The following DLG4 variants were observed in gnomAD, a reference collection of about 807,000 sequenced individuals.
DLG4 encodes disks large homolog 4.
Under a neutral mutation model 93.8 loss-of-function variants are expected in DLG4, and 7 were observed. The ratio of observed to expected loss-of-function variants is 0.07; its 90% CI spans 0.04 to 0.14. The LOEUF (loss-of-function observed/expected upper bound fraction) is 0.14, where lower values mean the gene tolerates loss of function less well. DLG4 is among the 10% of genes least tolerant of loss of function. The pLI, the probability that DLG4 is intolerant of heterozygous loss-of-function variation, is 1.00. For missense variants in DLG4, 545 were observed against 992.9 expected (o/e 0.55, Z 6.06); for synonymous variants, 341 against 387.6 (o/e 0.88, Z 1.41).
At chr17:7,218,442 C>G, upstream of DLG4, 4 of 1,400,258 alleles carry the variant, frequency 2.9e-6, 1 homozygote, top group South Asian at 2.5e-5. Context: ...CTGCATGGTG[C>G]TCCAGCTTGG....
chr17:7,207,598 C>T (rs1448697422), intron 2 of DLG4, among the ~76,000 whole-genome samples: 3 of 151,784 alleles, frequency 2.0e-5, no homozygotes, highest in Non-Finnish European at 2.9e-5. Flanking sequence ...GAGCTCTGGA[C>T]ACAGAAAATG....
upstream of DLG4, chr17:7,220,033 C>A: frequency 1.2e-6 from 2 of 1,604,908 alleles, no homozygotes; most frequent in African/African-American, 2.7e-5. Context: ...GCTGCTGAGG[C>A]TCGGGGGCGG....
chr17:7,218,551 C>G, upstream of DLG4: 1 of 1,560,956 alleles, frequency 6.4e-7, no homozygotes, highest in Non-Finnish European at 8.7e-7. Flanking sequence ...CCAGCAAGGC[C>G]TGGAAGAGGT....
rs1420274277 is a variant in DLG4, at chr17:7,191,164, G to T, written c.2068+103C>A. The T allele has an allele frequency of 5.3e-6, 6 of 1,127,710 alleles. No individual in the cohort carries two copies. The highest frequency in any genetic ancestry group is 3.1e-5 in the African/African-American group (2 of 65,348). The allele number at this position is 1,127,710 out of a possible 1,614,324, so 69.9% of individuals were successfully genotyped here. ...CGTGAGCCACCATGCCGCGCCCACA[G>T]GGGCACCTCTTTCTAAGCCATCCAC... On this transcript the variant is annotated intron_variant, in intron 19 of 19. Coordinates refer to ENST00000399506, the MANE Select transcript of DLG4 (RefSeq NM_001321075.3). This position sits in a 1 kb window ranked among gnomAD's most constrained non-coding sequence, Gnocchi z 6.6.
rs2070713223 is a variant in DLG4, at chr17:7,211,703, G to A, written c.31-3464C>T. On this transcript the variant is annotated intron_variant, in intron 1 of 19. Transcript: ENST00000399506. ...CGAATCTGTTCCGAGCCGACATGGAGAAGGGGAGGGGGACTGAGGGAAGGG... is the reference window on the plus strand; with the variant it reads ...CGAATCTGTTCCGAGCCGACATGGAAAAGGGGAGGGGGACTGAGGGAAGGG... The A allele has an allele frequency of 8.3e-6, 8 of 966,774 alleles. No homozygotes were observed. In the African/African-American group the frequency reaches 9.1e-5, roughly 11 times the overall value. The allele number at this position is 966,774 out of a possible 1,614,324, so 59.9% of individuals were successfully genotyped here.
rs1281272482 is a variant in DLG4, at chr17:7,203,472, G to A, written c.457C>T (p.Pro153Ser). ...ATCTCCATGACCTTCTCAGCCGGGG[G>A]CTTCCGGCGCATGACATAGAGGCGA... ...IVRLYVMRRK[P>S]PAEKVMEIKL... Residue 153 changes from proline (P) to serine (S), a missense_variant, in exon 6 of 20, where the codon CCC becomes TCC. Physicochemically the swap from Pro to Ser is moderately conservative, Grantham distance 74. This residue lies in a region of DLG4 where 30 missense variants were observed against 36.1 expected (regional missense o/e 0.83). Coordinates refer to ENST00000399506, the MANE Select transcript of DLG4 (RefSeq NM_001321075.3). The surrounding 1 kb of genome is among the most constrained non-coding windows in gnomAD (Gnocchi z 7.2). The A allele has an allele frequency of 2.5e-6, 4 of 1,612,680 alleles. No individual in the cohort carries two copies. The highest frequency in any genetic ancestry group is 3.4e-6 in the Non-Finnish European group (4 of 1,178,850).
In DLG4 at chr17:7,191,188, A is replaced by C. The variant is rs1489313086; in HGVS notation, c.2068+79T>G. ...AGGGGCACCTCTTTCTAAGCCATCC[A>C]CTGGGGGTGGCGGGGGAGCTCTTTC... On this transcript the variant is annotated intron_variant, in intron 19 of 19. Transcript: ENST00000399506. This position sits in a 1 kb window ranked among gnomAD's most constrained non-coding sequence, Gnocchi z 6.6. 113 of 1,401,968 alleles carry C rather than the reference A, an allele frequency of 8.1e-5. 1 individual carries two copies. Among genetic ancestry groups the C allele is most frequent in the Non-Finnish European group, 9.3e-5 (93 of 995,856 alleles). The allele number at this position is 1,401,968 out of a possible 1,614,324, so 86.8% of individuals were successfully genotyped here.
In DLG4 at chr17:7,189,574, C is replaced by T. The variant is rs2069389162; in HGVS notation, c.*1134G>A. On this transcript the variant is annotated 3_prime_UTR_variant, in exon 20 of 20. Coordinates refer to ENST00000399506, the MANE Select transcript of DLG4 (RefSeq NM_001321075.3). ...CATGAACATGAATGAACGAAGTTTC[C>T]TCTCTATTTTCCTTTAAGGACTGTT... Among the ~76,000 whole-genome samples, 1 of 152,142 alleles carries T rather than the reference C, an allele frequency of 6.6e-6. No individual in the cohort carries two copies.
chr17:7,207,973 C>T (rs1003877356), intron 2 of DLG4: 12 of 1,043,426 alleles, frequency 1.2e-5, no homozygotes, highest in Non-Finnish European at 1.3e-5. Flanking sequence ...TCCCAGCATC[C>T]CCCTCCCCAC....
At position 7,188,370 on chromosome 17, in the gene DLG4, G is replaced by T. The variant is rs77935075; in HGVS notation, c.*2338C>A. Among the ~76,000 whole-genome samples the T allele has an allele frequency of 0.012, 1,888 of 152,070 alleles. 31 individuals carry two copies. The highest frequency in any genetic ancestry group is 0.095 in the Middle Eastern group (28 of 294). On this transcript the variant is annotated 3_prime_UTR_variant, in exon 20 of 20. Coordinates refer to ENST00000399506, the MANE Select transcript of DLG4 (RefSeq NM_001321075.3). ...AAACTCTCAACTTTAGTCAGGAGTG[G>T]CTACAAAAAATGCCCTTTTGCACTG...
At position 7,196,103 on chromosome 17, in the gene DLG4, T is replaced by C; in HGVS notation, c.1301+117A>G. On this transcript the variant is annotated intron_variant, in intron 11 of 19. Transcript: ENST00000399506. The surrounding 1 kb of genome is among the most constrained non-coding windows in gnomAD (Gnocchi z 8.3). Reference sequence around the variant, plus strand: ...ATGAACCCTGGCTGCGCCTCAGGCCTGGGGTGGGGAGCTAGAGCAGGCAGG... The same window carrying C: ...ATGAACCCTGGCTGCGCCTCAGGCCCGGGGTGGGGAGCTAGAGCAGGCAGG... 4.2e-6 allele frequency: 3 copies of C among 712,170 alleles called. No individual in the cohort carries two copies. The highest frequency in any genetic ancestry group is 2.7e-5 in the East Asian group (1 of 37,116). 44.1% of individuals were successfully genotyped at this position (712,170 alleles called of 1,614,324 possible).
rs1002665484 is a variant in DLG4 at position 7,196,611 on chromosome 17, A to G, written c.1084-36T>C. On this transcript the variant is annotated intron_variant, in intron 9 of 19. Coordinates refer to ENST00000399506, the MANE Select transcript of DLG4 (RefSeq NM_001321075.3). This position sits in a 1 kb window ranked among gnomAD's most constrained non-coding sequence, Gnocchi z 8.3. Reference sequence around the variant, plus strand: ...GACGACAGGCTGTGTCACCAGAGACAGGAGGCAGCACTTCTGGGTCCAGGT... The same window carrying G: ...GACGACAGGCTGTGTCACCAGAGACGGGAGGCAGCACTTCTGGGTCCAGGT... 39 of 1,610,810 alleles carry G rather than the reference A, an allele frequency of 2.4e-5. No individual in the cohort carries two copies. Among genetic ancestry groups the G allele is most frequent in the Non-Finnish European group, 3.2e-5 (38 of 1,177,456 alleles).
intron 8 of DLG4, among the ~76,000 whole-genome samples, chr17:7,202,229 A>C (rs1222531396): frequency 6.6e-6 from 1 of 152,056 alleles, no homozygotes; most frequent in East Asian, 1.9e-4. Context: ...GGCACGTGCT[A>C]ATTTTTTTAA....
intron 1 of DLG4, among the ~76,000 whole-genome samples, chr17:7,213,083 C>G (rs1260190310): frequency 1.1e-5 from 1 of 93,564 alleles, no homozygotes; most frequent in African/African-American, 4.5e-5. Flanking sequence ...CTTTTCTTTT[C>G]TTTCTTTCTT....
chr17:7,194,019 G>C lies in DLG4; in HGVS notation c.1479-19C>G, dbSNP rs2069637947. The stretch of plus-strand genomic sequence containing the variant: ...CTCAACCCTGTGGGATACATGGAGG[G>C]ATACGCGGGTAGGGGAATGCCTACC... On this transcript the variant is annotated intron_variant, in intron 12 of 19. Transcript: ENST00000399506. The surrounding 1 kb of genome is among the most constrained non-coding windows in gnomAD (Gnocchi z 4.4). The C allele has an allele frequency of 1.9e-6, 3 of 1,612,658 alleles. No individual in the cohort carries two copies. The highest frequency in any genetic ancestry group is 1.7e-5 in the Admixed American group (1 of 59,848).
chr17:7,214,677 G>A (rs1050602168), intron 1 of DLG4, among the ~76,000 whole-genome samples: 1 of 152,070 alleles, frequency 6.6e-6, no homozygotes, highest in Non-Finnish European at 1.5e-5. Context: ...ACCCTCGCCC[G>A]GCCCTCCAGT....
chr17:7,197,022 C>G lies in DLG4; in HGVS notation c.818G>C (p.Ser273Thr), dbSNP rs2069826721. The change falls in exon 9 of 20, where the codon AGT becomes ACT. Residue 273 changes from serine to threonine, a missense_variant. Physicochemically the swap from Ser to Thr is moderately conservative, Grantham distance 58. Coordinates refer to ENST00000399506, the MANE Select transcript of DLG4 (RefSeq NM_001321075.3). ...GTCGGTGCCCAGGTAGCTGCTGTGA[C>G]TGATCTCATTGTCCAGGTGCTGGGA... ...SYSQHLDNEI[S>T]HSSYLGTDYP... 6.2e-7 allele frequency: 1 copy of G among 1,612,880 alleles called. No individual in the cohort carries two copies. The highest frequency in any genetic ancestry group is 2.2e-5 in the East Asian group (1 of 44,850).
upstream of DLG4, chr17:7,219,519 G>C: frequency 9.4e-7 from 1 of 1,069,316 alleles, no homozygotes; most frequent in South Asian, 2.8e-5. Context: ...CCTCCCTTTT[G>C]TGTTGGCCGA....
rs991733249 is a variant in DLG4 at position 7,187,547 on chromosome 17, C to T, written c.*3161G>A. Reference sequence around the variant, plus strand: ...GGCAACAAGAGCGAAACTCTGTCTCCAATAATAATAATAATAATAATAATA... The same window carrying T: ...GGCAACAAGAGCGAAACTCTGTCTCTAATAATAATAATAATAATAATAATA... On this transcript the variant is annotated 3_prime_UTR_variant, in exon 20 of 20. Transcript: ENST00000399506. Among the ~76,000 whole-genome samples the T allele has an allele frequency of 2.7e-5, 4 of 145,866 alleles. No homozygotes were observed. Among genetic ancestry groups the T allele is most frequent in the South Asian group, 2.2e-4 (1 of 4,500 alleles).
Sources: gnomAD v4.1 joint callset for allele counts (sites outside exome capture counted in the v4.1 genomes callset) on GRCh38, gnomAD v4.1.1 for gene constraint, gnomAD v4.1.1 regional missense constraint, Gnocchi (gnomAD v3.1) non-coding constraint, MANE v1.5 for transcripts, NCBI Gene and HGNC (gene_info 2026-07-23, HGNC 2026-07-21) for gene names.